MELK: variants seen among roughly 807,000 people sequenced by gnomAD.
The protein encoded by MELK is maternal embryonic leucine zipper kinase, also known as pEg3 kinase.
MELK carries 81 observed loss-of-function variants against 85.0 expected under a neutral mutation model. That is an observed-to-expected ratio of 0.95 (90% CI 0.80 to 1.15). The LOEUF is 1.15. Ranked by LOEUF, MELK falls within the 50% of genes most tolerant of loss-of-function variation. The probability of loss-of-function intolerance (pLI) is 0.00; values close to 1 mark genes in which losing one functional copy is unlikely to be tolerated. For missense variants in MELK, 754 were observed against 777.5 expected, an observed-to-expected ratio of 0.97 and a Z score of 0.36; for synonymous variants, 252 against 265.0, an observed-to-expected ratio of 0.95 and a Z score of 0.48.
chr9:36,624,624 T>C (rs1827766987), intron 8 of MELK, among the ~76,000 whole-genome samples: 1 of 152,126 alleles, frequency 6.6e-6, no homozygotes, highest in African/African-American at 2.4e-5. Flanking sequence ...GAATTCAAAA[T>C]AGGTTGATAA....
intron 16 of MELK, among the ~76,000 whole-genome samples, chr9:36,672,988 C>T (rs910226646): frequency 2.0e-5 from 3 of 152,132 alleles, no homozygotes; most frequent in African/African-American, 7.2e-5. Flanking sequence ...ACTTCAAATA[C>T]TGTACTAAAA....
chr9:36,649,068 A>G (rs759526621), intron 11 of MELK, among the ~76,000 whole-genome samples: 4 of 152,260 alleles, frequency 2.6e-5, no homozygotes, highest in Non-Finnish European at 5.9e-5. Context: ...TTCTTGACAT[A>G]GGAATAAGAT....
intron 14 of MELK, among the ~76,000 whole-genome samples, chr9:36,666,550 CT>C (rs34659071): frequency 6.6e-6 from 1 of 152,068 alleles, no homozygotes; most frequent in Non-Finnish European, 1.5e-5. Context: ...CTTTATTAGC[CT>C]TTTTCCCCCC....
At chr9:36,587,936 G>C (rs538518353) in intron 3 of MELK, among the ~76,000 whole-genome samples, 1 of 143,740 alleles carries the variant, frequency 7.0e-6, no homozygotes, top group Non-Finnish European at 1.5e-5. Context: ...TAATTTTTTC[G>C]TGTGTGTTTT....
chr9:36,609,543 G>A (rs535971215), intron 8 of MELK, among the ~76,000 whole-genome samples: 2 of 151,636 alleles, frequency 1.3e-5, no homozygotes, highest in Non-Finnish European at 2.9e-5. Flanking sequence ...GACCCTCTGG[G>A]CTCAAGTGGT....
At chr9:36,583,433 T>G (rs1822469204) in intron 2 of MELK, among the ~76,000 whole-genome samples, 194 bp from the exon 3 acceptor site, 1 of 150,372 alleles carries the variant, frequency 6.7e-6, no homozygotes, top group African/African-American at 2.5e-5. Context: ...TATTACAAAG[T>G]TTGAGATACA....
chr9:36,664,286 C>T (rs992567190), intron 13 of MELK, among the ~76,000 whole-genome samples: 2 of 152,068 alleles, frequency 1.3e-5, no homozygotes, highest in African/African-American at 4.8e-5. Flanking sequence ...ATTTTAATAT[C>T]TGAAATCTTT....
intron 3 of MELK, among the ~76,000 whole-genome samples, chr9:36,585,941 A>T (rs1478106952): frequency 6.6e-6 from 1 of 152,126 alleles, no homozygotes; most frequent in East Asian, 1.9e-4. Context: ...TTGTCTAAAA[A>T]AAGTTTTTTT....
intron 8 of MELK, among the ~76,000 whole-genome samples, chr9:36,616,592 G>A (rs1201001569): frequency 1.3e-5 from 2 of 151,686 alleles, no homozygotes; most frequent in Non-Finnish European, 2.9e-5. Context: ...GTTTCACCAT[G>A]TTGGACAGGC....
intron 14 of MELK, among the ~76,000 whole-genome samples, chr9:36,666,451 T>C (rs781307638): frequency 2.6e-5 from 4 of 152,244 alleles, no homozygotes; most frequent in Non-Finnish European, 2.9e-5. Context: ...ATAGGGGCCA[T>C]ATTTATGTAA....
At chr9:36,636,778 T>TCTGTCTGTCTGTCTGTCTGTCTG (rs1564191010) in intron 10 of MELK, among the ~76,000 whole-genome samples, 1 of 82,166 alleles carries the variant, frequency 1.2e-5, no homozygotes, top group African/African-American at 4.6e-5. Flanking sequence ...CTTTCTTTCT[T>TCTGTCTGTCTGTCTGTCTGTCTG]TCTTTCTGTC....
intron 3 of MELK, among the ~76,000 whole-genome samples, chr9:36,586,738 A>C (rs1822950670): frequency 6.6e-6 from 1 of 152,166 alleles, no homozygotes; most frequent in Non-Finnish European, 1.5e-5. Context: ...ACTTATTCTA[A>C]AGCGTAATAT....
intron 8 of MELK, among the ~76,000 whole-genome samples, chr9:36,629,843 GTTTTT>G (rs11298711): frequency 9.0e-6 from 1 of 111,478 alleles, no homozygotes. Flanking sequence ...GCAAGAAATT[GTTTTT>G]TTTTTTTTTT....
intron 10 of MELK, among the ~76,000 whole-genome samples, chr9:36,634,187 A>G (rs945790351): frequency 1.2e-4 from 19 of 152,370 alleles, no homozygotes; most frequent in South Asian, 4.1e-4. Context: ...TCAGTAGAAA[A>G]GTCTTTAACT....
chr9:36,627,216 C>T (rs1828028824), intron 8 of MELK, among the ~76,000 whole-genome samples: 1 of 152,092 alleles, frequency 6.6e-6, no homozygotes, highest in South Asian at 2.1e-4. Context: ...AGAATCAGTC[C>T]ACCTTAAAGG....
chr9:36,597,533 T>C (rs1824425972), intron 6 of MELK, among the ~76,000 whole-genome samples: 1 of 152,204 alleles, frequency 6.6e-6, no homozygotes, highest in African/African-American at 2.4e-5. Flanking sequence ...TCCATGGGTA[T>C]GCTGTGAGAA....
At chr9:36,620,807 C>T (rs1286353528) in intron 8 of MELK, among the ~76,000 whole-genome samples, 3 of 151,806 alleles carry the variant, frequency 2.0e-5, no homozygotes, top group African/African-American at 2.4e-5. Flanking sequence ...CCTTGGCCTC[C>T]TAAAGTGCTG....
chr9:36,663,737 A>G (rs1433463342), intron 13 of MELK, among the ~76,000 whole-genome samples: 1 of 152,112 alleles, frequency 6.6e-6, no homozygotes, highest in Non-Finnish European at 1.5e-5. Flanking sequence ...ATAGTATTCT[A>G]TCTGTGTGTC....
chr9:36,593,587 C>T (rs1255437935), intron 4 of MELK, among the ~76,000 whole-genome samples: 1 of 152,080 alleles, frequency 6.6e-6, no homozygotes, highest in African/African-American at 2.4e-5. Context: ...TTATAGCAGC[C>T]CAAATGGACT....
Sources: allele counts gnomAD v4.1 joint callset (sites outside exome capture counted in the v4.1 genomes callset), GRCh38; gene constraint gnomAD v4.1.1; transcripts MANE v1.5; gene names NCBI Gene and HGNC (gene_info 2026-07-23, HGNC 2026-07-21).